The following HMGCL variants were observed in gnomAD, a reference collection of about 807,000 sequenced individuals.
HMGCL encodes hydroxymethylglutaryl-CoA lyase, mitochondrial.
A neutral mutation model predicts 37.3 loss-of-function variants in HMGCL; 26 were observed. That is an observed-to-expected ratio of 0.70 (90% CI 0.51 to 0.97). The LOEUF (loss-of-function observed/expected upper bound fraction) is 0.97. Among genes scored for constraint, HMGCL ranks in the 50% least tolerant of loss-of-function variants. HMGCL has a pLI of 0.00. For synonymous variants in HMGCL, 151 were observed against 148.0 expected (o/e 1.02, Z -0.15); for missense variants, 379 against 398.1 (o/e 0.95, Z 0.41).
rs145796948 is a variant in HMGCL at position 23,804,375 on chromosome 1, G to A, written c.876+25C>T. 3.7e-5 allele frequency: 59 copies of A among 1,613,852 alleles called. No homozygotes were observed. In the African/African-American group the frequency reaches 4.1e-4, roughly 11 times the overall value. On this transcript the variant is annotated intron_variant, in intron 8 of 8. Transcript: ENST00000374490. ...GCCCCCTGGTCAGTTCGGGGCTGTCGCCACCAGGGGGTGGGTGGGCTTACC... is the reference window on the plus strand; with the variant it reads ...GCCCCCTGGTCAGTTCGGGGCTGTCACCACCAGGGGGTGGGTGGGCTTACC...
intron 4 of HMGCL, 60 bp downstream of exon 4, chr1:23,816,615 G>A: frequency 9.8e-7 from 1 of 1,023,406 alleles, no homozygotes; most frequent in South Asian, 1.3e-5. Context: ...CCAAGACAAG[G>A]CAGGGACCAA....
chr1:23,814,041 A>G (rs1638570000), intron 5 of HMGCL, 149 bp downstream of exon 5: 1 of 855,182 alleles, frequency 1.2e-6, no homozygotes. Flanking sequence ...TCTTCTGACC[A>G]CACTTATTTG....
intron 8 of HMGCL, chr1:23,804,116 G>T: frequency 1.1e-5 from 5 of 441,770 alleles, no homozygotes; most frequent in Non-Finnish European, 4.2e-6. Flanking sequence ...CCCCTCTTTT[G>T]TTTTGTTTTG....
At chr1:23,815,275 G>A (rs1010023091) in intron 4 of HMGCL, among the ~76,000 whole-genome samples, 3 of 151,772 alleles carry the variant, frequency 2.0e-5, no homozygotes, top group African/African-American at 4.8e-5. Flanking sequence ...CTGGGAAAAC[G>A]GAGGCAAAGA....
intron 5 of HMGCL, chr1:23,813,935 G>A: frequency 7.9e-6 from 4 of 509,548 alleles, no homozygotes; most frequent in Non-Finnish European, 1.1e-5. Flanking sequence ...CTCTGCCTCA[G>A]TCTCCCAAGT....
chr1:23,804,215 ACC>A (rs1570642002), intron 8 of HMGCL, 183 bp downstream of exon 8: 1 of 687,732 alleles, frequency 1.5e-6, no homozygotes, highest in African/African-American at 1.8e-5. Context: ...GGCTCAAGTG[ACC>A]CTCCTGCCTC....
chr1:23,811,257 G>C (rs886355666), intron 5 of HMGCL, among the ~76,000 whole-genome samples: 4 of 152,192 alleles, frequency 2.6e-5, no homozygotes, highest in African/African-American at 9.7e-5. Flanking sequence ...AGGACCAAGG[G>C]ATGAGCTGCC....
rs188691744 is a variant in HMGCL, at chr1:23,824,316, C to T, written c.60+1040G>A. Among the ~76,000 whole-genome samples the T allele has an allele frequency of 2.7e-3, 405 of 152,328 alleles. 2 individuals carry two copies. Among genetic ancestry groups the T allele is most frequent in the African/African-American group, 8.8e-3 (367 of 41,576 alleles). ...ACAGAGCTTGGACTTGAACCCATAT[C>T]TAGGCCTAATACTAATACTGGTTCC... On this transcript the variant is annotated intron_variant, in intron 1 of 8. Coordinates refer to ENST00000374490, the MANE Select transcript of HMGCL (RefSeq NM_000191.3).
At chr1:23,814,620 C>T (rs1026033598) in intron 4 of HMGCL, among the ~76,000 whole-genome samples, 9 of 152,134 alleles carry the variant, frequency 5.9e-5, no homozygotes, top group Admixed American at 6.5e-5. Context: ...CCACCCACCT[C>T]AGCCTCCCAA....
chr1:23,813,743 G>A (rs1395824622), intron 5 of HMGCL: 1 of 215,362 alleles, frequency 4.6e-6, no homozygotes, highest in African/African-American at 2.3e-5. Context: ...TTAGAGATGT[G>A]ATGTTGGAAA....
At chr1:23,819,159 G>A (rs1638668144) in intron 2 of HMGCL, among the ~76,000 whole-genome samples, 1 of 151,876 alleles carries the variant, frequency 6.6e-6, no homozygotes, top group African/African-American at 2.4e-5. Flanking sequence ...TAACACCCTG[G>A]TGTGTAACTT....
chr1:23,815,860 A>C (rs947590545), intron 4 of HMGCL, among the ~76,000 whole-genome samples: 6 of 151,900 alleles, frequency 3.9e-5, no homozygotes, highest in African/African-American at 1.5e-4. Flanking sequence ...AAAAAAAAAA[A>C]AACTTTGATT....
chr1:23,808,603 C>T (rs915379124), intron 6 of HMGCL, among the ~76,000 whole-genome samples: 14 of 152,220 alleles, frequency 9.2e-5, no homozygotes, highest in Non-Finnish European at 2.9e-5. Flanking sequence ...CCTCAGACTT[C>T]AGTCTCACTT....
chr1:23,804,420 C>G lies in HMGCL; in HGVS notation c.856G>C (p.Glu286Gln). Residue 286 changes from glutamate (E) to glutamine (Q), a missense_variant, in exon 8 of 9, where the codon GAG becomes CAG. By Grantham distance (29) the Glu-to-Gln change is conservative. Coordinates refer to ENST00000374490, the MANE Select transcript of HMGCL (RefSeq NM_000191.3). ...LATEDLVYML[E>Q]GLGIHTGVNL... is the part of the protein sequence containing the mutation. ...CTTACCGTGTGAATGCCCAAGCCCT[C>G]TAGCATGTAGACCAGGTCTTCTGTG... is the stretch of plus-strand genomic sequence containing the variant. 1.2e-6 allele frequency: 2 copies of G among 1,614,236 alleles called. No homozygotes were observed. Among genetic ancestry groups the G allele is most frequent in the Non-Finnish European group, 1.7e-6 (2 of 1,180,038 alleles).
At chr1:23,811,302 A>G (rs1299967683) in intron 5 of HMGCL, among the ~76,000 whole-genome samples, 1 of 152,200 alleles carries the variant, frequency 6.6e-6, no homozygotes, top group Non-Finnish European at 1.5e-5. Context: ...TCATTCATTT[A>G]TTCACCTGAT....
chr1:23,813,526 C>T (rs773318370), intron 5 of HMGCL, among the ~76,000 whole-genome samples: 1 of 152,064 alleles, frequency 6.6e-6, no homozygotes, highest in Non-Finnish European at 1.5e-5. Flanking sequence ...CCTTGTCCTC[C>T]CAAAGTGCTG....
intron 6 of HMGCL, 81 bp downstream of exon 6, chr1:23,810,655 T>C: frequency 8.7e-7 from 1 of 1,153,548 alleles, no homozygotes; most frequent in Non-Finnish European, 1.3e-6. Flanking sequence ...CCAGAAAGGG[T>C]GGGGAGAGGA....
chr1:23,811,403 G>A (rs955550721), intron 5 of HMGCL, among the ~76,000 whole-genome samples: 1 of 152,250 alleles, frequency 6.6e-6, no homozygotes, highest in African/African-American at 2.4e-5. Flanking sequence ...CTTATCTCAA[G>A]TTAGGGAGAT....
intron 1 of HMGCL, among the ~76,000 whole-genome samples, chr1:23,822,024 C>G (rs1638731560): frequency 6.6e-6 from 1 of 152,186 alleles, no homozygotes; most frequent in Admixed American, 6.5e-5. Context: ...CTCAATGTCT[C>G]TTCCAGTAGA....
Sources: allele counts gnomAD v4.1 joint callset (sites outside exome capture counted in the v4.1 genomes callset), GRCh38; gene constraint gnomAD v4.1.1; transcripts MANE v1.5; gene names NCBI Gene and HGNC (gene_info 2026-07-23, HGNC 2026-07-21).